The following S100PBP variants were observed in gnomAD, a reference collection of about 807,000 sequenced individuals.
S100PBP encodes the protein S100P binding protein.
A neutral mutation model predicts 39.9 loss-of-function variants in S100PBP; 15 were observed. That is an observed-to-expected ratio of 0.38 (90% CI 0.25 to 0.58). The LOEUF (loss-of-function observed/expected upper bound fraction) is 0.58, where lower values mean the gene tolerates loss of function less well. Among genes scored for constraint, S100PBP ranks in the 20% least tolerant of loss-of-function variants. S100PBP has a pLI of 0.70. For missense variants in S100PBP, 504 were observed against 487.3 expected (o/e 1.03, Z -0.32); for synonymous variants, 178 against 180.3 (o/e 0.99, Z 0.10).
chr1:32,835,341 G>C (rs1302560656), intron 5 of S100PBP: 1 of 151,692 alleles, frequency 6.6e-6, no homozygotes, highest in Non-Finnish European at 1.5e-5. Flanking sequence ...TGATAAATGG[G>C]AGCTCCTTCA....
chr1:32,843,999 C>T (rs911624729), intron 5 of S100PBP, among the ~76,000 whole-genome samples: 6 of 151,922 alleles, frequency 3.9e-5, no homozygotes, highest in East Asian at 3.9e-4. Context: ...CTGCAGTCTC[C>T]GCCTTCCAGG....
At chr1:32,844,653 G>A (rs1243309701) in intron 5 of S100PBP, among the ~76,000 whole-genome samples, 1 of 151,566 alleles carries the variant, frequency 6.6e-6, no homozygotes, top group Non-Finnish European at 1.5e-5. Context: ...AAATTTTTTT[G>A]TAGAGATGGT....
chr1:32,831,073 C>G (rs998773591), intron 5 of S100PBP, among the ~76,000 whole-genome samples: 2 of 74,064 alleles, frequency 2.7e-5, no homozygotes, highest in Non-Finnish European at 5.1e-5. Flanking sequence ...GAATGAGACT[C>G]TGTCTCAAAA....
chr1:32,858,808 C>T lies in S100PBP; in HGVS notation c.*2770C>T, dbSNP rs1640908357. The T allele has an allele frequency of 6.6e-6, 1 of 152,136 alleles. No homozygotes were observed. The highest frequency in any genetic ancestry group is 2.1e-4 in the South Asian group (1 of 4,820). 9.4% of individuals were successfully genotyped at this position (152,136 alleles called of 1,614,324 possible). On this transcript the variant is annotated 3_prime_UTR_variant, in exon 7 of 7. Transcript: ENST00000373475. Reference sequence around the variant, plus strand: ...CTGAAGTTTGGTGCCTCCTCTTTATCATGTTTTTTCCCTTGTAGCAGTTGT... The same window carrying T: ...CTGAAGTTTGGTGCCTCCTCTTTATTATGTTTTTTCCCTTGTAGCAGTTGT...
At chr1:32,849,287 A>G (rs912206564) in intron 5 of S100PBP, among the ~76,000 whole-genome samples, 1 of 152,094 alleles carries the variant, frequency 6.6e-6, no homozygotes, top group African/African-American at 2.4e-5. Flanking sequence ...ATGGGACTAC[A>G]GGTGTGTACT....
upstream of S100PBP, chr1:32,817,299 G>T: frequency 1.2e-6 from 2 of 1,606,188 alleles, no homozygotes; most frequent in Non-Finnish European, 1.7e-6. Flanking sequence ...CCCTTCCTGG[G>T]TCACCGTCGC....
intron 5 of S100PBP, 118 bp from the exon 6 acceptor site, chr1:32,852,961 G>C (rs114043376): frequency 4.5e-6 from 3 of 666,382 alleles, no homozygotes; most frequent in African/African-American, 1.8e-5. Flanking sequence ...TGTGATAATT[G>C]TAAGTATATA....
intron 5 of S100PBP, chr1:32,835,086 G>T (rs1174727584): frequency 6.6e-6 from 1 of 152,182 alleles, no homozygotes; most frequent in Non-Finnish European, 1.5e-5. Flanking sequence ...GTTGTAGTGA[G>T]CGAAGATCAG....
chr1:32,855,885 G>C, intron 6 of S100PBP, 39 bp from the exon 7 acceptor site: 1 of 1,427,132 alleles, frequency 7.0e-7, no homozygotes. Context: ...CATTCTAGTT[G>C]AAATAGCCTT....
At chr1:32,831,409 A>G (rs1421076412) in intron 5 of S100PBP, among the ~76,000 whole-genome samples, 1 of 151,968 alleles carries the variant, frequency 6.6e-6, no homozygotes, top group Non-Finnish European at 1.5e-5. Flanking sequence ...TAATTACTCT[A>G]AGATCTATTG....
At chr1:32,849,672 TCTA>T (rs1350045475) in intron 5 of S100PBP, among the ~76,000 whole-genome samples, 1 of 152,200 alleles carries the variant, frequency 6.6e-6, no homozygotes, top group African/African-American at 2.4e-5. Flanking sequence ...TGAGCTGAGA[TCTA>T]ATTATTGAGC....
chr1:32,836,685 G>A (rs962332511), intron 5 of S100PBP: 5 of 607,154 alleles, frequency 8.2e-6, no homozygotes, highest in Admixed American at 1.3e-4. Context: ...TGCACTGCTT[G>A]TTCTTTAGCC....
intron 5 of S100PBP, among the ~76,000 whole-genome samples, chr1:32,851,627 C>G (rs979838029): frequency 3.3e-5 from 5 of 151,932 alleles, no homozygotes; most frequent in African/African-American, 1.2e-4. Context: ...GATCACACCA[C>G]TGCACTCCAG....
chr1:32,817,279 G>A (rs1289787223), upstream of S100PBP: 1 of 1,612,830 alleles, frequency 6.2e-7, no homozygotes, highest in Admixed American at 1.7e-5. Context: ...GCTCAGCCCG[G>A]CACCAGAGCC....
chr1:32,845,776 C>A (rs1640341987), intron 5 of S100PBP, among the ~76,000 whole-genome samples: 1 of 151,706 alleles, frequency 6.6e-6, no homozygotes, highest in Admixed American at 6.6e-5. Context: ...ACCTCCCGGG[C>A]TCGTGATCTT....
At chr1:32,819,869 A>G (rs1638963474) in intron 1 of S100PBP, among the ~76,000 whole-genome samples, 1 of 152,114 alleles carries the variant, frequency 6.6e-6, no homozygotes, top group African/African-American at 2.4e-5. Flanking sequence ...AACAGTATTT[A>G]CCCCCTTTTT....
At chr1:32,842,224 TATATATATATATACACAC>T (rs1333999234) in intron 5 of S100PBP, among the ~76,000 whole-genome samples, 3 of 58,270 alleles carry the variant, frequency 5.1e-5, no homozygotes, top group Admixed American at 5.0e-4. Context: ...TATATATGTA[TATATATATATATACACAC>T]ACACACACAC....
chr1:32,817,623 G>A (rs1415594624), upstream of S100PBP: 16 of 330,692 alleles, frequency 4.8e-5, no homozygotes, highest in Non-Finnish European at 2.9e-5. Context: ...GGGAGGGGGC[G>A]ATAAAATGGC....
intron 5 of S100PBP, among the ~76,000 whole-genome samples, chr1:32,841,393 A>G (rs893879479): frequency 2.0e-5 from 3 of 152,066 alleles, no homozygotes; most frequent in African/African-American, 7.2e-5. Flanking sequence ...TTTTCTTGGT[A>G]GTCACTGGTT....
Sources: gnomAD v4.1 joint callset for allele counts (sites outside exome capture counted in the v4.1 genomes callset) on GRCh38, gnomAD v4.1.1 for gene constraint, MANE v1.5 for transcripts, NCBI Gene and HGNC (gene_info 2026-07-23, HGNC 2026-07-21) for gene names.